COL27A1: variants seen among roughly 807,000 people sequenced by gnomAD.
COL27A1 encodes the protein collagen type XXVII alpha 1 chain.
COL27A1 carries 106 observed loss-of-function variants against 251.3 expected under a neutral mutation model. That is an observed-to-expected ratio of 0.42 (90% confidence interval 0.36 to 0.50). The LOEUF (loss-of-function observed/expected upper bound fraction) is 0.50, where lower values mean the gene tolerates loss of function less well. Among genes scored for constraint, COL27A1 ranks in the 20% least tolerant of loss-of-function variants. The probability of loss-of-function intolerance (pLI) is 0.00; values close to 1 mark genes in which losing one functional copy is unlikely to be tolerated. For synonymous variants in COL27A1, 1,000 were observed against 986.3 expected, an observed-to-expected ratio of 1.01 and a Z score of -0.26; for missense variants, 2,325 against 2,522.8, an observed-to-expected ratio of 0.92 and a Z score of 1.68.
chr9:114,166,129 A>G (rs1848831809), intron 2 of COL27A1, among the ~76,000 whole-genome samples: 1 of 150,908 alleles, frequency 6.6e-6, no homozygotes, highest in Non-Finnish European at 1.5e-5. Context: ...TCATCTATTC[A>G]TCCATTTATC....
chr9:114,197,009 C>G (rs1416609906), intron 7 of COL27A1, among the ~76,000 whole-genome samples: 2 of 152,184 alleles, frequency 1.3e-5, no homozygotes, highest in Non-Finnish European at 2.9e-5. Flanking sequence ...GTGTGCAAAT[C>G]TGGTTTATTG....
At chr9:114,234,864 C>A (rs1243885301) in intron 16 of COL27A1, among the ~76,000 whole-genome samples, 1 of 146,924 alleles carries the variant, frequency 6.8e-6, no homozygotes, top group Admixed American at 6.8e-5. Flanking sequence ...TTCAGGAGTT[C>A]AAGACCAGCT....
intron 50 of COL27A1, 159 bp downstream of exon 50, chr9:114,300,282 A>T (rs760952146): frequency 8.5e-6 from 6 of 704,870 alleles, no homozygotes; most frequent in Non-Finnish European, 1.4e-5. Flanking sequence ...ACTCCAGAAG[A>T]TCTAGGTTCC....
At position 114,222,220 on chromosome 9, in the gene COL27A1, C is replaced by A; in HGVS notation, c.2422-3C>A. The A allele has an allele frequency of 1.2e-6, 2 of 1,613,586 alleles. No homozygotes were observed. The highest frequency in any genetic ancestry group is 1.7e-6 in the Non-Finnish European group (2 of 1,179,544). On this transcript the variant is annotated splice_polypyrimidine_tract_variant and splice_region_variant and intron_variant, in intron 13 of 60. Transcript: ENST00000356083. ...AACCACCTTGGTCTCTCTCTATCTG[C>A]AGGGAGAACTGGGCCTGCCAGGCCC... is the stretch of plus-strand genomic sequence containing the variant.
At chr9:114,171,636 T>C (rs1849326423) in intron 3 of COL27A1, among the ~76,000 whole-genome samples, 2 of 152,026 alleles carry the variant, frequency 1.3e-5, no homozygotes, top group South Asian at 4.2e-4. Context: ...GCTAATTTTT[T>C]CACTTTTTTT....
intron 24 of COL27A1, among the ~76,000 whole-genome samples, chr9:114,249,565 G>T (rs57706306): frequency 1.3e-5 from 2 of 152,178 alleles, no homozygotes; most frequent in Non-Finnish European, 2.9e-5. Context: ...TGTGGCCCTC[G>T]CTGAAGTGAC....
At chr9:114,291,286 C>T (rs1399232884) in intron 48 of COL27A1, among the ~76,000 whole-genome samples, 1 of 152,140 alleles carries the variant, frequency 6.6e-6, no homozygotes, top group African/African-American at 2.4e-5. Context: ...CCCATGAATC[C>T]GTCAGAGCCA....
rs772899304 is a variant in COL27A1, at chr9:114,168,789, C to T, written c.1234C>T (p.Arg412Cys). Residue 412 changes from arginine (R) to cysteine (C), a missense_variant, in exon 3 of 61, where the codon CGT (arginine) becomes TGT (cysteine). By Grantham distance (180) the Arg-to-Cys change is radical (BLOSUM62 -3). Around this residue, in one of 4 missense-constraint regions of COL27A1, gnomAD observed 1,183 missense variants for 1,144.1 expected, o/e 1.03. Transcript: ENST00000356083. ...PTQKQVPPTSRPVPARVSRPA... is the reference protein window; with the variant it reads ...PTQKQVPPTSCPVPARVSRPA... ...TCAGAAGCAAGTGCCACCTACTTCC[C>T]GTCCAGTTCCTGCCAGAGTCTCCCG... The T allele has an allele frequency of 9.9e-6, 16 of 1,613,918 alleles. No homozygotes were observed. The highest frequency in any genetic ancestry group is 1.3e-5 in the African/African-American group (1 of 74,912).
chr9:114,187,455 G>T (rs966379997), intron 5 of COL27A1, among the ~76,000 whole-genome samples: 1 of 152,268 alleles, frequency 6.6e-6, no homozygotes, highest in Non-Finnish European at 1.5e-5. Flanking sequence ...TGCAGGGCAG[G>T]TATTATTACC....
intron 21 of COL27A1, 137 bp from the exon 22 acceptor site, chr9:114,242,050 G>A (rs1447946276): frequency 6.0e-6 from 4 of 666,696 alleles, no homozygotes; most frequent in Non-Finnish European, 9.5e-6. Flanking sequence ...CAGGCAGGTG[G>A]GCCAGGCGTG....
rs1425249629 is a variant in COL27A1, at chr9:114,209,721, G to A, written c.2315G>A (p.Gly772Glu). ...PGLFGLPGSD[G>E]ERGLPGVPGK... ...CTCTTCGGCCTGCCAGGGTCTGATG[G>A]AGAACGAGTAAGTTTGCTTCTTTGG... Residue 772 changes from glycine (G) to glutamate (E), a missense_variant, in exon 11 of 61, where the codon GGA becomes GAA. Around this residue, in one of 4 missense-constraint regions of COL27A1, gnomAD observed 1,183 missense variants for 1,144.1 expected, o/e 1.03. Coordinates refer to ENST00000356083, the MANE Select transcript of COL27A1 (RefSeq NM_032888.4). The A allele has an allele frequency of 6.2e-7, 1 of 1,614,158 alleles. No homozygotes were observed. The highest frequency in any genetic ancestry group is 1.1e-5 in the South Asian group (1 of 91,084).
chr9:114,172,521 AGAGGCT>A (rs1324250016), intron 3 of COL27A1, among the ~76,000 whole-genome samples: 1 of 152,192 alleles, frequency 6.6e-6, no homozygotes, highest in African/African-American at 2.4e-5. Context: ...AAGCTGTAGT[AGAGGCT>A]GGGCGTGGTG....
rs768337703 is a variant in COL27A1 at position 114,237,022 on chromosome 9, G to A, written c.2661G>A (p.Lys887=). Residue 887 remains lysine (K), a synonymous_variant, in exon 18 of 61, where the codon AAG becomes AAA. Coordinates refer to ENST00000356083, the MANE Select transcript of COL27A1 (RefSeq NM_032888.4). ...CAGGGTTCCCCGGTGCACGGGGGAAGCCAGGGCCTCTGGTAAGTACCTGCT... is the reference window on the plus strand; with the variant it reads ...CAGGGTTCCCCGGTGCACGGGGGAAACCAGGGCCTCTGGTAAGTACCTGCT... The part of the protein sequence containing the change: ...GLPGFPGARG[K]PGPLGKVGDK... 1.8e-5 allele frequency: 29 copies of A among 1,609,592 alleles called. No individual in the cohort carries two copies. The African/African-American group carries it at 2.8e-4, about 16-fold the overall frequency.
intron 3 of COL27A1, among the ~76,000 whole-genome samples, chr9:114,175,874 C>T (rs4978569): frequency 0.31 from 46,761 of 152,140 alleles, 7,269 homozygotes; most frequent in East Asian, 0.38. Context: ...TTCCTCTTCA[C>T]TTGATAATGT....
At position 114,209,705 on chromosome 9, in the gene COL27A1, C is replaced by A. The variant is rs760171961; in HGVS notation, c.2299C>A (p.Leu767Met). The A allele has an allele frequency of 5.6e-6, 9 of 1,614,080 alleles. No individual in the cohort carries two copies. In the South Asian group the frequency reaches 6.6e-5, roughly 12 times the overall value. ...GYIGLPGLFG[L>M]PGSDGERGLP... ...CATTGGGCTCCCAGGGCTCTTCGGCCTGCCAGGGTCTGATGGAGAACGAGT... is the reference window on the plus strand; with the variant it reads ...CATTGGGCTCCCAGGGCTCTTCGGCATGCCAGGGTCTGATGGAGAACGAGT... The change falls in exon 11 of 61, where the codon CTG becomes ATG. Residue 767 changes from leucine (L) to methionine (M), a missense_variant. By Grantham distance (15) the Leu-to-Met change is conservative (BLOSUM62 2). Around this residue, in one of 4 missense-constraint regions of COL27A1, gnomAD observed 1,183 missense variants for 1,144.1 expected, o/e 1.03. Coordinates refer to ENST00000356083, the MANE Select transcript of COL27A1 (RefSeq NM_032888.4).
At chr9:114,213,648 C>T (rs1830510145) in intron 12 of COL27A1, among the ~76,000 whole-genome samples, 1 of 152,162 alleles carries the variant, frequency 6.6e-6, no homozygotes, top group South Asian at 2.1e-4. Context: ...CCCTAAGTCC[C>T]CTGCAAGTGA....
rs1194132464 is a variant in COL27A1, at chr9:114,310,806, G to A, written c.*111G>A. 5.0e-5 allele frequency: 57 copies of A among 1,149,072 alleles called. 1 individual carries two copies. In the South Asian group the frequency reaches 5.9e-4, roughly 12 times the overall value. The allele number at this position is 1,149,072 out of a possible 1,614,324, so 71.2% of individuals were successfully genotyped here. A position where few individuals can be genotyped will look rare whatever the true frequency, so the allele number is the denominator to read the frequency against. On this transcript the variant is annotated 3_prime_UTR_variant, in exon 61 of 61. Transcript: ENST00000356083. ...GGAGAGGCAGCTCCCCTGCCCAAGG[G>A]TCCTTGGGCAGACCCCAGCTGTTGT...
intron 11 of COL27A1, among the ~76,000 whole-genome samples, chr9:114,210,151 C>T (rs955553179): frequency 2.0e-5 from 3 of 152,222 alleles, no homozygotes; most frequent in East Asian, 1.9e-4. Flanking sequence ...GGTCTGCAAA[C>T]GGTGGCCCAT....
intron 11 of COL27A1, among the ~76,000 whole-genome samples, chr9:114,210,321 A>G (rs935760137): frequency 7.2e-5 from 11 of 152,240 alleles, no homozygotes; most frequent in Admixed American, 5.9e-4. Flanking sequence ...GATATTCACT[A>G]TCTGCCCCTT....
Sources: allele counts gnomAD v4.1 joint callset (sites outside exome capture counted in the v4.1 genomes callset), GRCh38; gene constraint gnomAD v4.1.1; regional missense constraint gnomAD v4.1.1; transcripts MANE v1.5; gene names NCBI Gene and HGNC (gene_info 2026-07-23, HGNC 2026-07-21).